SCN8A: variants seen among roughly 807,000 people sequenced by gnomAD.
SCN8A encodes sodium channel protein type 8 subunit alpha.
SCN8A carries 30 observed loss-of-function variants against 184.1 expected under a neutral mutation model. The ratio of observed to expected loss-of-function variants is 0.16; its 90% CI spans 0.12 to 0.22. The LOEUF is 0.22. SCN8A is among the 10% of genes least tolerant of loss of function. The pLI, the probability that SCN8A is intolerant of heterozygous loss-of-function variation, is 1.00. For synonymous variants in SCN8A, 852 were observed against 907.0 expected (o/e 0.94, Z 1.09); for missense variants, 1,057 against 2,498.9 (o/e 0.42, Z 12.30).
intron 26 of SCN8A, among the ~76,000 whole-genome samples, chr12:51,797,603 A>T (rs1938445476): frequency 6.6e-6 from 1 of 152,162 alleles, no homozygotes; most frequent in South Asian, 2.1e-4. Flanking sequence ...TTGTAGTCCT[A>T]CCTGGATTGG....
At chr12:51,721,103 ATATAATATTTATTTATT>A (rs1942049781) in intron 11 of SCN8A, among the ~76,000 whole-genome samples, 1 of 106,878 alleles carries the variant, frequency 9.4e-6, no homozygotes, top group African/African-American at 3.8e-5. Context: ...ATATATATAT[ATATAATATTTATTTATT>A]GTTATATATA....
intron 1 of SCN8A, among the ~76,000 whole-genome samples, chr12:51,605,776 T>G (rs1939577688): frequency 6.6e-6 from 1 of 152,214 alleles, no homozygotes; most frequent in Admixed American, 6.5e-5. Flanking sequence ...GATTATTTGA[T>G]TATGGCCATT....
chr12:51,646,009 TAA>T (rs11307011), intron 1 of SCN8A, among the ~76,000 whole-genome samples: 3,583 of 123,380 alleles, frequency 0.029, 112 homozygotes, highest in African/African-American at 0.087. Context: ...AAGATAAAAG[TAA>T]AAAAAAAAAA....
intron 26 of SCN8A, 113 bp downstream of exon 26, chr12:51,794,754 C>A: frequency 9.6e-7 from 1 of 1,045,546 alleles, no homozygotes. Flanking sequence ...GCAAGATACC[C>A]TCATAGCTTA....
chr12:51,601,441 CTT>C (rs779590904), intron 1 of SCN8A, among the ~76,000 whole-genome samples: 10 of 140,800 alleles, frequency 7.1e-5, no homozygotes, highest in Admixed American at 1.4e-4. Context: ...CTAACAAGGC[CTT>C]TTTTTTTTTT....
At chr12:51,687,779 C>T (rs920254453) in intron 5 of SCN8A, among the ~76,000 whole-genome samples, 5 of 152,162 alleles carry the variant, frequency 3.3e-5, no homozygotes, top group Non-Finnish European at 5.9e-5. Flanking sequence ...TGGTATGTTA[C>T]TGCTCTTGCT....
intron 26 of SCN8A, among the ~76,000 whole-genome samples, chr12:51,800,672 G>A (rs747253924): frequency 4.6e-5 from 7 of 152,174 alleles, no homozygotes; most frequent in Non-Finnish European, 1.0e-4. Flanking sequence ...CTGTAAGTCA[G>A]ACCTGAGCTG....
At chr12:51,785,738 CAGT>C (rs1938067089) in intron 21 of SCN8A, among the ~76,000 whole-genome samples, 1 of 151,980 alleles carries the variant, frequency 6.6e-6, no homozygotes, top group Non-Finnish European at 1.5e-5. Flanking sequence ...GTTTCAAGAG[CAGT>C]AATGATCTAA....
At chr12:51,684,418 G>C (rs1023031751) in intron 3 of SCN8A, 126 bp downstream of exon 3, 2 of 688,740 alleles carry the variant, frequency 2.9e-6, no homozygotes, top group African/African-American at 1.8e-5. Flanking sequence ...TAGCCCATCA[G>C]TCAGAGGTTT....
Position 51,658,069 on chromosome 12 carries a change from T to C in SCN8A, c.-54-4695T>C, listed in dbSNP as rs193120326. Among the ~76,000 whole-genome samples the C allele has an allele frequency of 7.7e-4, 118 of 152,312 alleles. 2 individuals carry two copies. The highest frequency in any genetic ancestry group is 5.9e-4 in the Admixed American group (9 of 15,302). The stretch of plus-strand genomic sequence containing the variant: ...AGTGTGATAACTCCAGCTTTGTTCC[T>C]TTTGCTCAGGATTACTTTGGCTTTT... On this transcript the variant is annotated intron_variant, in intron 1 of 26. Transcript: ENST00000627620.
In SCN8A at chr12:51,787,048, C is replaced by G. The variant is rs564399920; in HGVS notation, c.4227+222C>G. ...CTCAAAGGAAATCTCTCATTGTGCT[C>G]AGGAACAGAGCTGTGCCCAGCAACA... On this transcript the variant is annotated intron_variant, in intron 22 of 26. Coordinates refer to ENST00000627620, the MANE Select transcript of SCN8A (RefSeq NM_001330260.2). Among the ~76,000 whole-genome samples, 247 of 152,256 alleles carry G rather than the reference C, an allele frequency of 1.6e-3. 1 individual carries two copies. Among genetic ancestry groups the G allele is most frequent in the African/African-American group, 5.6e-3 (232 of 41,534 alleles).
chr12:51,722,042 A>G, intron 12 of SCN8A, 134 bp downstream of exon 12: 1 of 1,442,080 alleles, frequency 6.9e-7, no homozygotes, highest in Non-Finnish European at 9.5e-7. Context: ...GTCTGTCTGG[A>G]CCCCACTCCT....
rs376953145 is a variant in SCN8A, at chr12:51,774,281, G to A, written c.3738G>A (p.Glu1246=). Residue 1246 remains glutamate, a synonymous_variant, in exon 20 of 27, where the codon GAG becomes GAA. Coordinates refer to ENST00000627620, the MANE Select transcript of SCN8A (RefSeq NM_001330260.2). ...DKVFTYIFIL[E]MLLKWTAYGF... is the part of the protein sequence containing the mutation. ...TCTTCACCTATATCTTCATCCTGGA[G>A]ATGTTGCTCAAGTGGACAGCCTATG... The A allele has an allele frequency of 5.0e-6, 8 of 1,614,040 alleles. No homozygotes were observed. Among genetic ancestry groups the A allele is most frequent in the African/African-American group, 1.3e-5 (1 of 74,946 alleles).
intron 1 of SCN8A, 38 bp from the exon 2 acceptor site, chr12:51,662,726 T>C: frequency 7.8e-7 from 1 of 1,288,482 alleles, no homozygotes; most frequent in East Asian, 2.3e-5. Flanking sequence ...TTTAGAGCAG[T>C]GATTGATTAA....
intron 6 of SCN8A, among the ~76,000 whole-genome samples, chr12:51,698,402 G>T (rs1004164117): frequency 6.6e-6 from 1 of 152,218 alleles, no homozygotes; most frequent in Non-Finnish European, 1.5e-5. Flanking sequence ...TCAGAAGTGA[G>T]CAGGGATGAG....
At chr12:51,705,245 C>G (rs1342966370) in intron 9 of SCN8A, among the ~76,000 whole-genome samples, 172 bp from the exon 10 acceptor site, 1 of 152,080 alleles carries the variant, frequency 6.6e-6, no homozygotes, top group Admixed American at 6.6e-5. Context: ...ATAAGTGAAA[C>G]CATTCAACCA....
At chr12:51,773,719 T>A (rs1460252449) in intron 19 of SCN8A, among the ~76,000 whole-genome samples, 5 of 152,214 alleles carry the variant, frequency 3.3e-5, no homozygotes, top group African/African-American at 9.7e-5. Context: ...ACAGCAGCAT[T>A]GTTCACAATA....
chr12:51,755,492 GA>G (rs1217221148), intron 14 of SCN8A, among the ~76,000 whole-genome samples: 1 of 152,168 alleles, frequency 6.6e-6, no homozygotes, highest in African/African-American at 2.4e-5. Flanking sequence ...AAGAAGCCCT[GA>G]GTCTTTTAGT....
chr12:51,750,129 G>A (rs530831195), intron 13 of SCN8A, among the ~76,000 whole-genome samples: 10 of 152,264 alleles, frequency 6.6e-5, no homozygotes, highest in African/African-American at 2.4e-4. Context: ...TGACCTTTGA[G>A]ATCGTCTAGT....
Sources: allele counts gnomAD v4.1 joint callset (sites outside exome capture counted in the v4.1 genomes callset), GRCh38; gene constraint gnomAD v4.1.1; transcripts MANE v1.5; gene names NCBI Gene and HGNC (gene_info 2026-07-23, HGNC 2026-07-21).